Variants in EIF3A observed in about 807,000 individuals in gnomAD.
The protein encoded by EIF3A is EIF3, p180 subunit.
A neutral mutation model predicts 186.6 loss-of-function variants in EIF3A; 21 were observed. The observed-to-expected ratio is 0.11, with a 90% CI of 0.08 to 0.16. The LOEUF (loss-of-function observed/expected upper bound fraction) is 0.16, where lower values mean the gene tolerates loss of function less well. EIF3A is among the 10% of genes least tolerant of loss of function. EIF3A has a pLI of 1.00. For missense variants in EIF3A, 1,306 were observed against 1,796.3 expected (o/e 0.73, Z 4.93); for synonymous variants, 563 against 584.3 (o/e 0.96, Z 0.52).
At chr10:119,044,708 C>T (rs1158357640) in intron 17 of EIF3A, among the ~76,000 whole-genome samples, 3 of 151,914 alleles carry the variant, frequency 2.0e-5, no homozygotes, top group African/African-American at 7.3e-5. Flanking sequence ...ATTAGCCAGG[C>T]GTGGTGGCAG....
rs58357192 is a variant in EIF3A, at chr10:119,072,755, G to A, written c.541+135C>T. 6.9e-3 allele frequency: 7,353 copies of A among 1,072,420 alleles called. 328 individuals are homozygous for A. The African/African-American group carries it at 0.1, about 15-fold the overall frequency. 66.4% of individuals were successfully genotyped at this position (1,072,420 alleles called of 1,614,324 possible). A position where few individuals can be genotyped will look rare whatever the true frequency, so the allele number is the denominator to read the frequency against. ...CAGGTGTGAGCCACCACATCCGGCC[G>A]CAGTCATTTAATACTCATGTGAATG... On this transcript the variant is annotated intron_variant, in intron 4 of 21. Transcript: ENST00000369144.
intron 13 of EIF3A, 39 bp downstream of exon 13, chr10:119,056,897 A>G (rs779581009): frequency 1.9e-6 from 3 of 1,593,426 alleles, no homozygotes; most frequent in Non-Finnish European, 2.6e-6. Context: ...AATCTCTCTT[A>G]ACTTGGTATG....
chr10:119,055,219 T>C (rs1057023899), intron 14 of EIF3A, among the ~76,000 whole-genome samples: 1 of 151,998 alleles, frequency 6.6e-6, no homozygotes, highest in Non-Finnish European at 1.5e-5. Flanking sequence ...CAAATAAATA[T>C]ATACATATTA....
At chr10:119,057,090 G>A in intron 12 of EIF3A, 50 bp from the exon 13 acceptor site, 1 of 1,061,036 alleles carries the variant, frequency 9.4e-7, no homozygotes, top group African/African-American at 1.6e-5. Context: ...AACAAGCAAT[G>A]CCTAACATAA....
At chr10:119,048,099 G>A (rs906526243) in intron 17 of EIF3A, among the ~76,000 whole-genome samples, 4 of 151,974 alleles carry the variant, frequency 2.6e-5, no homozygotes, top group Admixed American at 2.6e-4. Flanking sequence ...TGAAACGGCA[G>A]CAACACGGAA....
chr10:119,051,166 G>T, intron 15 of EIF3A, 33 bp downstream of exon 15: 1 of 1,581,410 alleles, frequency 6.3e-7, no homozygotes, highest in South Asian at 1.2e-5. Context: ...GAAAGCTCAT[G>T]AATAAACATT....
intron 11 of EIF3A, among the ~76,000 whole-genome samples, 177 bp from the exon 12 acceptor site, chr10:119,058,480 C>T (rs185936819): frequency 6.1e-4 from 93 of 152,284 alleles, no homozygotes; most frequent in African/African-American, 1.9e-3. Context: ...GGTGTTGCTC[C>T]TATTCAGTCT....
intron 1 of EIF3A, among the ~76,000 whole-genome samples, chr10:119,079,640 T>C (rs537503904): frequency 4.0e-5 from 6 of 151,062 alleles, no homozygotes; most frequent in South Asian, 2.1e-4. Flanking sequence ...GCCAAGAACA[T>C]GTGCATCCCC....
intron 11 of EIF3A, among the ~76,000 whole-genome samples, chr10:119,058,877 T>A (rs1275382317): frequency 6.6e-6 from 1 of 151,926 alleles, no homozygotes; most frequent in Non-Finnish European, 1.5e-5. Context: ...TGAGACTCCA[T>A]CTCAAAAAAG....
chr10:119,055,550 AAAG>A (rs1223650845), intron 14 of EIF3A, among the ~76,000 whole-genome samples: 1 of 152,080 alleles, frequency 6.6e-6, no homozygotes, highest in Non-Finnish European at 1.5e-5. Flanking sequence ...TTAATATGTA[AAAG>A]AAGAAATAAG....
intron 15 of EIF3A, 150 bp downstream of exon 15, chr10:119,051,049 T>A: frequency 1.5e-6 from 1 of 659,270 alleles, no homozygotes; most frequent in East Asian, 2.9e-5. Flanking sequence ...ATTGTTTTGC[T>A]TATGAAATAT....
At chr10:119,051,585 A>T (rs1325103383) in intron 14 of EIF3A, among the ~76,000 whole-genome samples, 1 of 152,172 alleles carries the variant, frequency 6.6e-6, no homozygotes, top group African/African-American at 2.4e-5. Context: ...TAAAGGAAAA[A>T]TTATGATACA....
At position 119,034,965 on chromosome 10, in the gene EIF3A, A is replaced by G. The variant is rs1347735263; in HGVS notation, c.*1074T>C. On this transcript the variant is annotated 3_prime_UTR_variant, in exon 22 of 22. Transcript: ENST00000369144. ...CATTTAATGGCACTGATAAAAATTCAAGTAAAAAAAACTCAACTGAATATG... is the reference window on the plus strand; with the variant it reads ...CATTTAATGGCACTGATAAAAATTCGAGTAAAAAAAACTCAACTGAATATG... The G allele has an allele frequency of 6.6e-6, 1 of 152,400 alleles. No individual in the cohort carries two copies. 9.4% of individuals were successfully genotyped at this position (152,400 alleles called of 1,614,324 possible).
Position 119,069,434 on chromosome 10 carries a change from T to C in EIF3A, c.950+12A>G. 8.2e-7 allele frequency: 1 copy of C among 1,218,900 alleles called. No homozygotes were observed. The highest frequency in any genetic ancestry group is 1.2e-6 in the Non-Finnish European group (1 of 819,800). 75.5% of individuals were successfully genotyped at this position (1,218,900 alleles called of 1,614,324 possible). A position where few individuals can be genotyped will look rare whatever the true frequency, so the allele number is the denominator to read the frequency against. On this transcript the variant is annotated intron_variant, in intron 6 of 21. Transcript: ENST00000369144. ...ACAGAATTTCAACATTATCCAAGTA[T>C]AACATTTTTACCTTTGCATCTCATC...
At chr10:119,037,399 T>G in intron 20 of EIF3A, 90 bp from the exon 21 acceptor site, 1 of 1,159,364 alleles carries the variant, frequency 8.6e-7, no homozygotes, top group East Asian at 2.5e-5. Flanking sequence ...GGGCTTAGAG[T>G]TTACAAATAT....
At chr10:119,078,386 CTTAAA>C (rs1166344378) in intron 1 of EIF3A, among the ~76,000 whole-genome samples, 1 of 133,454 alleles carries the variant, frequency 7.5e-6, no homozygotes, top group East Asian at 2.3e-4. Context: ...GACTATTCTA[CTTAAA>C]TTTATTTACA....
chr10:119,037,371 T>C (rs1201296219), intron 20 of EIF3A, 62 bp from the exon 21 acceptor site: 3 of 1,437,186 alleles, frequency 2.1e-6, no homozygotes, highest in Non-Finnish European at 2.9e-6. Context: ...TAATTATAAG[T>C]ACATCCAGTC....
chr10:119,037,515 T>C (rs1198947217), intron 20 of EIF3A, among the ~76,000 whole-genome samples: 1 of 152,168 alleles, frequency 6.6e-6, no homozygotes, highest in Non-Finnish European at 1.5e-5. Flanking sequence ...CCACTACCCA[T>C]ATGTGGTTAC....
At chr10:119,038,197 T>C (rs1848162231) in intron 20 of EIF3A, 41 bp downstream of exon 20, 1 of 1,558,432 alleles carries the variant, frequency 6.4e-7, no homozygotes, top group Admixed American at 1.9e-5. Context: ...CATGAGCCAC[T>C]GCGCCCGGCC....
Sources: gnomAD v4.1 joint callset for allele counts (sites outside exome capture counted in the v4.1 genomes callset) on GRCh38, gnomAD v4.1.1 for gene constraint, MANE v1.5 for transcripts, NCBI Gene and HGNC (gene_info 2026-07-23, HGNC 2026-07-21) for gene names.